The following PLD5 variants were observed in gnomAD, a reference collection of about 807,000 sequenced individuals.
PLD5 encodes the protein phospholipase D family member 5.
A neutral mutation model predicts 61.1 loss-of-function variants in PLD5; 36 were observed. That is an observed-to-expected ratio of 0.59 (90% confidence interval 0.45 to 0.78). The LOEUF is 0.78. Ranked by LOEUF, PLD5 falls within the 30% of genes least tolerant of loss-of-function variation. PLD5 has a pLI of 0.00. For synonymous variants in PLD5, 243 were observed against 242.8 expected (o/e 1.00, Z -0.01); for missense variants, 515 against 644.4 (o/e 0.80, Z 2.17).
At chr1:242,248,230 A>T (rs1027460317) in intron 4 of PLD5, among the ~76,000 whole-genome samples, 3 of 152,266 alleles carry the variant, frequency 2.0e-5, no homozygotes, top group Non-Finnish European at 4.4e-5. Flanking sequence ...CATGAAAACG[A>T]GACAGCAATC....
In PLD5 at chr1:242,420,500, T is replaced by A. The variant is rs146635960; in HGVS notation, c.190-72258A>T. Among the ~76,000 whole-genome samples, 3 of 152,318 alleles carry A rather than the reference T, an allele frequency of 2.0e-5. No homozygotes were observed. The East Asian group carries it at 5.8e-4, about 29-fold the overall frequency. On this transcript the variant is annotated intron_variant, in intron 1 of 9. Coordinates refer to ENST00000536534, the MANE Select transcript of PLD5 (RefSeq NM_001372062.1). The stretch of plus-strand genomic sequence containing the variant: ...AAAACATCCTTAAGCATCATTATCT[T>A]AATAGTAGTTAAGTTTACTTCTGAA...
intron 1 of PLD5, among the ~76,000 whole-genome samples, chr1:242,437,661 T>C (rs1666062756): frequency 6.7e-6 from 1 of 150,024 alleles, no homozygotes; most frequent in East Asian, 2.0e-4. Context: ...TACTCCAGCC[T>C]GGGCAACACA....
At chr1:242,425,582 A>G (rs1338141676) in intron 1 of PLD5, among the ~76,000 whole-genome samples, 1 of 150,962 alleles carries the variant, frequency 6.6e-6, no homozygotes, top group Non-Finnish European at 1.5e-5. Flanking sequence ...GCTACACTAC[A>G]TTTGTGTTTA....
intron 5 of PLD5, among the ~76,000 whole-genome samples, chr1:242,133,002 A>G (rs1249854420): frequency 6.9e-6 from 1 of 145,796 alleles, no homozygotes; most frequent in Non-Finnish European, 1.5e-5. Context: ...CTTTGCAGCC[A>G]CCCCTCCCAC....
intron 1 of PLD5, among the ~76,000 whole-genome samples, chr1:242,447,516 C>G (rs1362463993): frequency 6.6e-6 from 1 of 152,216 alleles, no homozygotes; most frequent in Non-Finnish European, 1.5e-5. Flanking sequence ...TAGGCAAAAG[C>G]TAGGTGGTCC....
chr1:242,282,871 A>G (rs1360504584), intron 3 of PLD5, among the ~76,000 whole-genome samples: 2 of 152,180 alleles, frequency 1.3e-5, no homozygotes, highest in African/African-American at 4.8e-5. Flanking sequence ...CTTTTGCCCG[A>G]CCATGTATTT....
intron 2 of PLD5, among the ~76,000 whole-genome samples, chr1:242,331,153 G>T (rs1320812982): frequency 6.6e-6 from 1 of 152,138 alleles, no homozygotes; most frequent in Non-Finnish European, 1.5e-5. Flanking sequence ...TGTGCCAGCT[G>T]CCAGAAATGC....
chr1:242,155,793 G>A (rs894072480), intron 5 of PLD5, among the ~76,000 whole-genome samples: 17 of 152,174 alleles, frequency 1.1e-4, no homozygotes, highest in Non-Finnish European at 2.2e-4. Flanking sequence ...TTTAGAATAA[G>A]TGCGATGAGG....
At chr1:242,108,761 G>A (rs1393451861) in intron 7 of PLD5, among the ~76,000 whole-genome samples, 1 of 152,152 alleles carries the variant, frequency 6.6e-6, no homozygotes, top group African/African-American at 2.4e-5. Flanking sequence ...TTGAACTAAT[G>A]ATACATTATT....
At chr1:242,389,660 C>T (rs1275832072) in intron 1 of PLD5, among the ~76,000 whole-genome samples, 1 of 151,878 alleles carries the variant, frequency 6.6e-6, no homozygotes, top group Non-Finnish European at 1.5e-5. Context: ...CTTCCTTGGG[C>T]AATATAAAAT....
chr1:242,520,155 T>TG (rs1474777545), intron 1 of PLD5, among the ~76,000 whole-genome samples: 2 of 152,178 alleles, frequency 1.3e-5, no homozygotes, highest in Non-Finnish European at 2.9e-5. Context: ...GGATGATTTC[T>TG]GGGCGGAAGC....
chr1:242,409,553 G>A (rs1305732339), intron 1 of PLD5, among the ~76,000 whole-genome samples: 1 of 152,140 alleles, frequency 6.6e-6, no homozygotes, highest in Non-Finnish European at 1.5e-5. Flanking sequence ...TTGTGTGTAT[G>A]GTTTTAAGGA....
chr1:242,390,891 T>C (rs999784998), intron 1 of PLD5, among the ~76,000 whole-genome samples: 1 of 101,236 alleles, frequency 9.9e-6, no homozygotes, highest in Non-Finnish European at 2.0e-5. Flanking sequence ...GTTTTTATGG[T>C]AGTCAAAGTT....
intron 1 of PLD5, among the ~76,000 whole-genome samples, chr1:242,520,309 T>C (rs1401405568): frequency 6.6e-6 from 1 of 152,088 alleles, no homozygotes; most frequent in Admixed American, 6.6e-5. Context: ...AGGTGAGATA[T>C]GTGAGGTGGA....
chr1:242,312,278 T>C (rs1429214560), intron 2 of PLD5, among the ~76,000 whole-genome samples: 2 of 151,902 alleles, frequency 1.3e-5, no homozygotes, highest in African/African-American at 2.4e-5. Flanking sequence ...TTGTTGAAAA[T>C]TGGGCATTTG....
chr1:242,090,037 C>T lies in PLD5; in HGVS notation c.1428G>A (p.Val476=), dbSNP rs1388137108. The change falls in exon 10 of 10, where the codon GTG becomes GTA. Residue 476 remains valine, a synonymous_variant. Transcript: ENST00000536534. ...GTGLVINQAD[V]RNNRSIIKQL... ...GCTTAATGATGCTTCTGTTGTTCCT[C>T]ACATCTGCCTGGTTGATAACAAGGC... 2 of 1,614,196 alleles carry T rather than the reference C, an allele frequency of 1.2e-6. No homozygotes were observed. The highest frequency in any genetic ancestry group is 1.7e-6 in the Non-Finnish European group (2 of 1,180,036).
At chr1:242,138,781 G>A (rs956772418) in intron 5 of PLD5, among the ~76,000 whole-genome samples, 1 of 152,172 alleles carries the variant, frequency 6.6e-6, no homozygotes, top group Non-Finnish European at 1.5e-5. Flanking sequence ...TGGGGATGGT[G>A]CTGTATGAGC....
intron 1 of PLD5, among the ~76,000 whole-genome samples, chr1:242,411,536 G>A (rs1664559231): frequency 1.3e-5 from 2 of 152,124 alleles, no homozygotes; most frequent in Admixed American, 6.6e-5. Flanking sequence ...CACCTGGCCT[G>A]TTGTTTTAAC....
Position 242,524,326 on chromosome 1 carries a change from C to T in PLD5, c.-50G>A, listed in dbSNP as rs2103015523. Reference sequence around the variant, plus strand: ...GCGAGCAGCGGACTCGGGACGGGCGCGCGGGGAGCCGGGCGCGGAGGGCGA... The same window carrying T: ...GCGAGCAGCGGACTCGGGACGGGCGTGCGGGGAGCCGGGCGCGGAGGGCGA... On this transcript the variant is annotated 5_prime_UTR_variant, in exon 1 of 10. Transcript: ENST00000536534. The T allele has an allele frequency of 1.5e-6, 2 of 1,351,532 alleles. No individual in the cohort carries two copies. The highest frequency in any genetic ancestry group is 1.9e-6 in the Non-Finnish European group (2 of 1,058,764). 83.7% of individuals were successfully genotyped at this position (1,351,532 alleles called of 1,614,324 possible). A position where few individuals can be genotyped will look rare whatever the true frequency, so the allele number is the denominator to read the frequency against.
Sources: gnomAD v4.1 joint callset for allele counts (sites outside exome capture counted in the v4.1 genomes callset) on GRCh38, gnomAD v4.1.1 for gene constraint, MANE v1.5 for transcripts, NCBI Gene and HGNC (gene_info 2026-07-23, HGNC 2026-07-21) for gene names.